The following VTI1A variants were observed in gnomAD, a reference collection of about 807,000 sequenced individuals.
VTI1A encodes the protein vesicle transport through interaction with t-SNAREs 1A, also known as vesicle transport through interaction with t-SNAREs homolog 1A.
In VTI1A, 22 loss-of-function variants were observed where a neutral mutation model predicts 34.9. The observed-to-expected ratio is 0.63, with a 90% CI of 0.45 to 0.90. VTI1A has a LOEUF of 0.90. Ranked by LOEUF, VTI1A falls within the 40% of genes least tolerant of loss-of-function variation. The pLI is 0.00. For missense variants in VTI1A, 268 were observed against 275.6 expected (o/e 0.97, Z 0.20); for synonymous variants, 87 against 97.3 (o/e 0.89, Z 0.62).
intron 3 of VTI1A, among the ~76,000 whole-genome samples, chr10:112,484,672 A>G (rs1848558382): frequency 6.6e-6 from 1 of 152,028 alleles, no homozygotes; most frequent in Non-Finnish European, 1.5e-5. Context: ...TGGGTCATCT[A>G]TTTTTTGTAG....
chr10:112,522,853 A>G (rs182999281), intron 3 of VTI1A, among the ~76,000 whole-genome samples: 80 of 152,240 alleles, frequency 5.3e-4, no homozygotes, highest in Non-Finnish European at 1.0e-3. Context: ...TCTATTTACA[A>G]TGTGGCTGGT....
chr10:112,497,389 CTCTGATACTTA>C (rs1849067519), intron 3 of VTI1A, among the ~76,000 whole-genome samples: 2 of 151,950 alleles, frequency 1.3e-5, no homozygotes, highest in African/African-American at 4.8e-5. Flanking sequence ...TAAGTTCTTG[CTCTGATACTTA>C]TTTTCTTTCT....
chr10:112,547,827 C>T (rs1343882535), intron 5 of VTI1A, among the ~76,000 whole-genome samples: 8 of 152,050 alleles, frequency 5.3e-5, no homozygotes, highest in Admixed American at 3.9e-4. Context: ...AATTCGTGTA[C>T]ACCACTTTGT....
intron 3 of VTI1A, among the ~76,000 whole-genome samples, chr10:112,510,501 C>T (rs1246005058): frequency 3.3e-5 from 5 of 152,016 alleles, no homozygotes; most frequent in Non-Finnish European, 2.9e-5. Flanking sequence ...CAGATTGTAG[C>T]AGCATGCACC....
intron 3 of VTI1A, among the ~76,000 whole-genome samples, chr10:112,479,019 T>C (rs2134091561): frequency 6.6e-6 from 1 of 152,168 alleles, no homozygotes; most frequent in African/African-American, 2.4e-5. Flanking sequence ...ATACAAAAAT[T>C]AGCCAGGCGT....
chr10:112,792,364 T>C (rs1385267335), intron 7 of VTI1A, among the ~76,000 whole-genome samples: 2 of 152,152 alleles, frequency 1.3e-5, no homozygotes, highest in East Asian at 1.9e-4. Context: ...CGTCTCATGC[T>C]TTGCAGATCA....
chr10:112,606,033 T>TC (rs1032932282), intron 5 of VTI1A, among the ~76,000 whole-genome samples: 11 of 151,500 alleles, frequency 7.3e-5, no homozygotes, highest in African/African-American at 2.7e-4. Flanking sequence ...TTTTTTCTTT[T>TC]TTTTTTTTGA....
intron 5 of VTI1A, among the ~76,000 whole-genome samples, chr10:112,632,160 C>T (rs1846153169): frequency 6.6e-6 from 1 of 152,122 alleles, no homozygotes; most frequent in African/African-American, 2.4e-5. Context: ...TCAGTGATAA[C>T]TCAAGGGTAA....
At chr10:112,474,393 AT>A (rs1399556560) in intron 3 of VTI1A, among the ~76,000 whole-genome samples, 1 of 150,442 alleles carries the variant, frequency 6.6e-6, no homozygotes, top group Non-Finnish European at 1.5e-5. Context: ...CTATTTATAT[AT>A]TATGTGCATG....
At chr10:112,464,423 C>G in intron 2 of VTI1A, 124 bp from the exon 3 acceptor site, 1 of 757,590 alleles carries the variant, frequency 1.3e-6, no homozygotes, top group Admixed American at 2.8e-5. Context: ...GATCATTCAG[C>G]ACCCTGAACC....
intron 7 of VTI1A, among the ~76,000 whole-genome samples, chr10:112,715,167 T>C (rs1849561556): frequency 6.6e-6 from 1 of 152,126 alleles, no homozygotes; most frequent in African/African-American, 2.4e-5. Context: ...AAGAACAAAT[T>C]GCACCATGTT....
At chr10:112,597,943 C>T (rs1309012742) in intron 5 of VTI1A, among the ~76,000 whole-genome samples, 1 of 151,698 alleles carries the variant, frequency 6.6e-6, no homozygotes, top group African/African-American at 2.4e-5. Context: ...ATGATCCGCC[C>T]GCCTCTGCCT....
intron 7 of VTI1A, among the ~76,000 whole-genome samples, chr10:112,779,580 T>C (rs1852053380): frequency 6.6e-6 from 1 of 152,206 alleles, no homozygotes; most frequent in African/African-American, 2.4e-5. Context: ...CATCTGGACT[T>C]GAATTTAGAG....
intron 5 of VTI1A, among the ~76,000 whole-genome samples, chr10:112,656,663 C>G (rs189006728): frequency 1.1e-4 from 16 of 152,002 alleles, no homozygotes; most frequent in African/African-American, 2.7e-4. Context: ...GCCACCACAC[C>G]CAGCCTACAA....
intron 3 of VTI1A, among the ~76,000 whole-genome samples, chr10:112,471,146 G>A (rs1848061008): frequency 6.6e-6 from 1 of 151,972 alleles, no homozygotes; most frequent in Admixed American, 6.6e-5. Flanking sequence ...ATTTTGGGGT[G>A]GCATATTTTG....
intron 5 of VTI1A, among the ~76,000 whole-genome samples, chr10:112,571,697 T>G (rs1332197266): frequency 6.6e-6 from 1 of 152,142 alleles, no homozygotes; most frequent in Non-Finnish European, 1.5e-5. Flanking sequence ...GTATGTTCAT[T>G]GCAGTGCCCT....
intron 3 of VTI1A, among the ~76,000 whole-genome samples, chr10:112,467,040 A>G (rs1373991326): frequency 3.9e-5 from 6 of 152,330 alleles, no homozygotes; most frequent in South Asian, 2.1e-4. Context: ...TGAAGACCCT[A>G]TCTCTGGACA....
chr10:112,633,549 A>G (rs1236543302), intron 5 of VTI1A, among the ~76,000 whole-genome samples: 1 of 152,238 alleles, frequency 6.6e-6, no homozygotes, highest in Non-Finnish European at 1.5e-5. Flanking sequence ...GGAACAACAC[A>G]GCAGGATACC....
intron 3 of VTI1A, among the ~76,000 whole-genome samples, chr10:112,488,519 T>C (rs1848719353): frequency 6.6e-6 from 1 of 152,216 alleles, no homozygotes. Flanking sequence ...AAAGGTATTA[T>C]TTAATAATAT....
Sources: gnomAD v4.1 joint callset for allele counts (sites outside exome capture counted in the v4.1 genomes callset) on GRCh38, gnomAD v4.1.1 for gene constraint, MANE v1.5 for transcripts, NCBI Gene and HGNC (gene_info 2026-07-23, HGNC 2026-07-21) for gene names.